The following CNTNAP2 variants were observed in gnomAD, a reference collection of about 807,000 sequenced individuals.
CNTNAP2 encodes the protein contactin-associated protein-like 2.
A neutral mutation model predicts 155.2 loss-of-function variants in CNTNAP2; 98 were observed. That is an observed-to-expected ratio of 0.63 (90% confidence interval 0.54 to 0.75). The LOEUF (loss-of-function observed/expected upper bound fraction) is 0.75. Among genes scored for constraint, CNTNAP2 ranks in the 30% least tolerant of loss-of-function variants. The pLI is 0.00. For missense variants in CNTNAP2, 1,727 were observed against 1,688.1 expected, an observed-to-expected ratio of 1.02 and a Z score of -0.40; for synonymous variants, 651 against 631.2, an observed-to-expected ratio of 1.03 and a Z score of -0.47.
At chr7:146,210,837 A>ATTTTTTTTT (rs11370431) in intron 1 of CNTNAP2, among the ~76,000 whole-genome samples, 1 of 145,272 alleles carries the variant, frequency 6.9e-6, no homozygotes. Context: ...AGACTACTTC[A>ATTTTTTTTT]TTTTTTTTTT....
chr7:147,444,835 C>T (rs979570782), intron 10 of CNTNAP2, among the ~76,000 whole-genome samples: 3 of 152,106 alleles, frequency 2.0e-5, no homozygotes, highest in Non-Finnish European at 2.9e-5. Flanking sequence ...CTACTTGAGA[C>T]TGGGTAATTT....
intron 1 of CNTNAP2, among the ~76,000 whole-genome samples, chr7:146,645,650 T>G (rs1799798841): frequency 6.6e-6 from 1 of 152,146 alleles, no homozygotes; most frequent in Admixed American, 6.5e-5. Context: ...TGAGATATAT[T>G]TATTCACATA....
At chr7:148,032,745 T>A (rs369848714) in intron 15 of CNTNAP2, among the ~76,000 whole-genome samples, 1 of 152,144 alleles carries the variant, frequency 6.6e-6, no homozygotes, top group East Asian at 1.9e-4. Flanking sequence ...GAGGAGCCAT[T>A]CACCTCACCT....
chr7:146,121,821 A>T (rs183000214), intron 1 of CNTNAP2, among the ~76,000 whole-genome samples: 2,653 of 152,326 alleles, frequency 0.017, 30 homozygotes, highest in Non-Finnish European at 0.028. Flanking sequence ...AATAAATTAT[A>T]TGCTTATTTT....
At chr7:147,265,705 G>T (rs1804592393) in intron 8 of CNTNAP2, among the ~76,000 whole-genome samples, 1 of 152,164 alleles carries the variant, frequency 6.6e-6, no homozygotes, top group South Asian at 2.1e-4. Flanking sequence ...CGCCCTGACT[G>T]GGTGAGACTT....
intron 10 of CNTNAP2, among the ~76,000 whole-genome samples, chr7:147,441,844 T>TCTCTCTCTCTCTCC (rs1797643592): frequency 3.8e-5 from 5 of 132,312 alleles, no homozygotes; most frequent in Non-Finnish European, 6.8e-5. Flanking sequence ...TCTCTCTCTC[T>TCTCTCTCTCTCTCC]CTCTCTCCCT....
At chr7:147,758,147 T>G (rs1003517366) in intron 13 of CNTNAP2, among the ~76,000 whole-genome samples, 1 of 152,204 alleles carries the variant, frequency 6.6e-6, no homozygotes, top group African/African-American at 2.4e-5. Context: ...AATACCTAGC[T>G]GCTAAGATTC....
At chr7:147,917,122 C>A (rs1800175131) in intron 14 of CNTNAP2, among the ~76,000 whole-genome samples, 1 of 152,224 alleles carries the variant, frequency 6.6e-6, no homozygotes, top group Admixed American at 6.5e-5. Context: ...TCTTATCCTA[C>A]AACTCTGTCT....
chr7:147,657,629 A>G (rs1220406775), intron 13 of CNTNAP2, among the ~76,000 whole-genome samples: 4 of 152,218 alleles, frequency 2.6e-5, no homozygotes, highest in Non-Finnish European at 2.9e-5. Context: ...GAGGAATAGA[A>G]AAAAGAATGA....
intron 3 of CNTNAP2, among the ~76,000 whole-genome samples, chr7:147,014,752 A>G (rs1256022127): frequency 6.6e-6 from 1 of 152,138 alleles, no homozygotes; most frequent in Non-Finnish European, 1.5e-5. Flanking sequence ...GAAAGGCCTC[A>G]AATCTTGCCA....
At chr7:147,275,190 G>A (rs1804868313) in intron 8 of CNTNAP2, among the ~76,000 whole-genome samples, 1 of 151,764 alleles carries the variant, frequency 6.6e-6, no homozygotes, top group Non-Finnish European at 1.5e-5. Context: ...TTCTTATTGT[G>A]TGAAAAATGA....
intron 8 of CNTNAP2, among the ~76,000 whole-genome samples, chr7:147,197,519 A>G (rs1802831754): frequency 6.6e-6 from 1 of 152,190 alleles, no homozygotes; most frequent in African/African-American, 2.4e-5. Context: ...ATCGTTAATA[A>G]TATAAATAAT....
intron 18 of CNTNAP2, among the ~76,000 whole-genome samples, chr7:148,215,346 C>T (rs1167147282): frequency 2.6e-5 from 4 of 152,058 alleles, no homozygotes; most frequent in Admixed American, 6.5e-5. Flanking sequence ...GACACCAGTC[C>T]AAGTTTGGAC....
chr7:147,087,368 G>C (rs1384070660), intron 4 of CNTNAP2, among the ~76,000 whole-genome samples: 53 of 152,036 alleles, frequency 3.5e-4, no homozygotes, highest in Non-Finnish European at 1.5e-5. Flanking sequence ...AATTTTCTTT[G>C]TTCTGTTTTT....
intron 2 of CNTNAP2, among the ~76,000 whole-genome samples, chr7:146,790,495 AG>A (rs1452434549): frequency 6.6e-6 from 1 of 152,000 alleles, no homozygotes; most frequent in African/African-American, 2.4e-5. Context: ...CCCCAGTTTT[AG>A]GGATGTTTAT....
In CNTNAP2 at chr7:147,006,759, T is replaced by C. The variant is rs941327565; in HGVS notation, c.403-37148T>C. ...CTTTTAGACTGTGAGAACATGAGGC[T>C]CCTGTCATTTTACTATGTTTCCTTG... On this transcript the variant is annotated intron_variant, in intron 3 of 23. Transcript: ENST00000361727. 2.0e-5 allele frequency among the ~76,000 whole-genome samples: 3 copies of C among 152,104 alleles called. No homozygotes were observed. The South Asian group carries it at 6.2e-4, about 31-fold the overall frequency.
At chr7:146,800,606 A>G (rs930275628) in intron 2 of CNTNAP2, among the ~76,000 whole-genome samples, 1 of 152,210 alleles carries the variant, frequency 6.6e-6, no homozygotes, top group Admixed American at 6.5e-5. Context: ...AGGCACAGAG[A>G]CATTAACTAG....
chr7:147,151,754 T>C (rs2116431696), intron 8 of CNTNAP2, among the ~76,000 whole-genome samples: 1 of 152,292 alleles, frequency 6.6e-6, no homozygotes, highest in South Asian at 2.1e-4. Context: ...CTGTTTTGTT[T>C]GCAAATCCAA....
At chr7:148,374,681 A>G (rs1168989029) in intron 21 of CNTNAP2, among the ~76,000 whole-genome samples, 1 of 152,200 alleles carries the variant, frequency 6.6e-6, no homozygotes, top group African/African-American at 2.4e-5. Flanking sequence ...AATTTCGTAC[A>G]CAGGATTCTA....
Sources: allele counts gnomAD v4.1 joint callset (sites outside exome capture counted in the v4.1 genomes callset), GRCh38; gene constraint gnomAD v4.1.1; transcripts MANE v1.5; gene names NCBI Gene and HGNC (gene_info 2026-07-23, HGNC 2026-07-21).